CCSER1: variants seen among roughly 807,000 people sequenced by gnomAD.
CCSER1 encodes coiled-coil serine rich protein 1.
In CCSER1, 41 loss-of-function variants were observed where a neutral mutation model predicts 82.0. The observed-to-expected ratio is 0.50, with a 90% confidence interval of 0.39 to 0.65. The LOEUF (loss-of-function observed/expected upper bound fraction) is 0.65. Among genes scored for constraint, CCSER1 ranks in the 30% least tolerant of loss-of-function variants. The pLI, the probability that CCSER1 is intolerant of heterozygous loss-of-function variation, is 0.00. For synonymous variants in CCSER1, 414 were observed against 383.9 expected (o/e 1.08, Z -0.92); for missense variants, 1,119 against 1,064.2 (o/e 1.05, Z -0.72).
chr4:91,096,775 A>G (rs1473862707), intron 10 of CCSER1, among the ~76,000 whole-genome samples: 3 of 152,156 alleles, frequency 2.0e-5, no homozygotes, highest in Non-Finnish European at 4.4e-5. Context: ...ACAAAATATC[A>G]TGCTCACACC....
At position 91,413,899 on chromosome 4, in the gene CCSER1, C is replaced by T. The variant is rs114478891; in HGVS notation, c.2218-184673C>T. 2.9e-3 allele frequency among the ~76,000 whole-genome samples: 434 copies of T among 151,728 alleles called. 1 individual carries two copies. The highest frequency in any genetic ancestry group is 0.01 in the African/African-American group (418 of 41,388). On this transcript the variant is annotated intron_variant, in intron 10 of 10. Coordinates refer to ENST00000509176, the MANE Select transcript of CCSER1 (RefSeq NM_001145065.2). ...AGAGTGGGATAATATATTAAAATTGCTGAAAGAAAAAAAAACTATCAACCA... is the reference window on the plus strand; with the variant it reads ...AGAGTGGGATAATATATTAAAATTGTTGAAAGAAAAAAAAACTATCAACCA...
At chr4:90,918,217 C>T (rs1466682060) in intron 8 of CCSER1, 4 of 454,476 alleles carry the variant, frequency 8.8e-6, no homozygotes, top group Non-Finnish European at 1.8e-5. Flanking sequence ...GTGTACATTT[C>T]TTTTTATTAT....
chr4:91,456,189 CT>C (rs1209803637), intron 10 of CCSER1, among the ~76,000 whole-genome samples: 3 of 151,936 alleles, frequency 2.0e-5, no homozygotes, highest in African/African-American at 7.3e-5. Context: ...ATCTTGTGTC[CT>C]TGCATGGTGA....
chr4:91,538,556 T>C (rs1015783345), intron 10 of CCSER1, among the ~76,000 whole-genome samples: 4 of 151,366 alleles, frequency 2.6e-5, no homozygotes, highest in Non-Finnish European at 4.4e-5. Context: ...ACCACAGACA[T>C]AGAGAGGTAC....
At chr4:91,206,947 C>T (rs927368467) in intron 10 of CCSER1, among the ~76,000 whole-genome samples, 1 of 151,824 alleles carries the variant, frequency 6.6e-6, no homozygotes, top group Non-Finnish European at 1.5e-5. Context: ...AAGTTCCAAA[C>T]AATTAATTGC....
intron 1 of CCSER1, among the ~76,000 whole-genome samples, chr4:90,259,252 C>A (rs755318753): frequency 6.6e-6 from 1 of 151,990 alleles, no homozygotes; most frequent in Non-Finnish European, 1.5e-5. Flanking sequence ...AAAGGGATTG[C>A]GTTCTTGATG....
intron 10 of CCSER1, among the ~76,000 whole-genome samples, chr4:91,195,637 A>G (rs979005450): frequency 6.6e-6 from 1 of 152,186 alleles, no homozygotes; most frequent in Non-Finnish European, 1.5e-5. Flanking sequence ...CCTGCTACTC[A>G]AGATTTTCAT....
rs552416791 is a variant in CCSER1 at position 90,597,631 on chromosome 4, A to G, written c.1725-30394A>G. On this transcript the variant is annotated intron_variant, in intron 5 of 10. Transcript: ENST00000509176. The stretch of plus-strand genomic sequence containing the variant: ...TGGTTACAATAGTGAATCAAATTAC[A>G]GTATCTGTCATCTGGTATACTTATG... 2.4e-4 allele frequency among the ~76,000 whole-genome samples: 37 copies of G among 152,134 alleles called. 1 individual carries two copies. The highest frequency in any genetic ancestry group is 3.2e-3 in the Middle Eastern group (1 of 316).
intron 4 of CCSER1, chr4:90,404,018 C>G (rs760500250): frequency 6.6e-6 from 1 of 152,218 alleles, no homozygotes; most frequent in Non-Finnish European, 1.5e-5. Context: ...TGGCAAAAAA[C>G]TGTGAGTCTG....
chr4:90,731,211 T>A (rs1238414416), intron 7 of CCSER1, among the ~76,000 whole-genome samples: 1 of 152,202 alleles, frequency 6.6e-6, no homozygotes, highest in African/African-American at 2.4e-5. Context: ...CAAAGATAGT[T>A]TCTGATACTA....
intron 10 of CCSER1, among the ~76,000 whole-genome samples, chr4:91,427,130 T>C (rs1012210588): frequency 9.9e-5 from 15 of 152,272 alleles, no homozygotes; most frequent in East Asian, 5.8e-4. Flanking sequence ...ATAAGGAAGA[T>C]AGAAGTTTAA....
At chr4:90,733,420 A>G (rs1037710165) in intron 7 of CCSER1, among the ~76,000 whole-genome samples, 1 of 152,082 alleles carries the variant, frequency 6.6e-6, no homozygotes, top group Non-Finnish European at 1.5e-5. Flanking sequence ...AGCTCCTTAT[A>G]TATTCTTATG....
chr4:90,207,036 T>C (rs1398554836), intron 1 of CCSER1, among the ~76,000 whole-genome samples: 1 of 152,106 alleles, frequency 6.6e-6, no homozygotes, highest in African/African-American at 2.4e-5. Context: ...TCCATTTGCT[T>C]GATAATTATT....
chr4:90,810,378 T>C (rs1758096624), intron 7 of CCSER1, among the ~76,000 whole-genome samples: 1 of 152,088 alleles, frequency 6.6e-6, no homozygotes, highest in South Asian at 2.1e-4. Flanking sequence ...CCAGGAACAG[T>C]GGCTCATGCC....
intron 10 of CCSER1, among the ~76,000 whole-genome samples, chr4:91,311,644 T>A (rs1036636488): frequency 1.3e-5 from 2 of 151,928 alleles, no homozygotes; most frequent in Admixed American, 6.6e-5. Flanking sequence ...AGTAATTTTT[T>A]TAAAAATATA....
intron 4 of CCSER1, among the ~76,000 whole-genome samples, chr4:90,410,274 A>C (rs971901913): frequency 6.6e-6 from 1 of 152,202 alleles, no homozygotes; most frequent in African/African-American, 2.4e-5. Context: ...CTCTGCACCA[A>C]GTGGACCTAA....
chr4:91,111,904 G>A (rs1383432171), intron 10 of CCSER1, among the ~76,000 whole-genome samples: 2 of 150,560 alleles, frequency 1.3e-5, no homozygotes, highest in East Asian at 3.9e-4. Context: ...AGGGTAAATG[G>A]AAAAGCTGTC....
intron 6 of CCSER1, among the ~76,000 whole-genome samples, chr4:90,657,564 GTTGTTTT>G (rs1355391718): frequency 1.3e-5 from 2 of 151,846 alleles, no homozygotes; most frequent in African/African-American, 4.8e-5. Flanking sequence ...CTGTATTTTT[GTTGTTTT>G]TTGTTTCCAT....
chr4:91,120,507 G>C (rs1220774890), intron 10 of CCSER1, among the ~76,000 whole-genome samples: 1 of 151,930 alleles, frequency 6.6e-6, no homozygotes, highest in Non-Finnish European at 1.5e-5. Context: ...AGGGCTAACT[G>C]TATAAGAATA....
Sources: gnomAD v4.1 joint callset for allele counts (sites outside exome capture counted in the v4.1 genomes callset) on GRCh38, gnomAD v4.1.1 for gene constraint, MANE v1.5 for transcripts, NCBI Gene and HGNC (gene_info 2026-07-23, HGNC 2026-07-21) for gene names.